SVEP1: variants seen among roughly 807,000 people sequenced by gnomAD.
The protein encoded by SVEP1 is sushi, von Willebrand factor type A, EGF and pentraxin domain-containing protein 1.
A neutral mutation model predicts 367.3 loss-of-function variants in SVEP1; 164 were observed. The ratio of observed to expected loss-of-function variants is 0.45; its 90% confidence interval spans 0.39 to 0.51. The LOEUF (loss-of-function observed/expected upper bound fraction) is 0.51. Among genes scored for constraint, SVEP1 ranks in the 20% least tolerant of loss-of-function variants. The pLI, the probability that SVEP1 is intolerant of heterozygous loss-of-function variation, is 0.00. For missense variants in SVEP1, 4,117 were observed against 4,425.3 expected (o/e 0.93, Z 1.98); for synonymous variants, 1,666 against 1,611.6 (o/e 1.03, Z -0.81).
Position 110,471,560 on chromosome 9 carries a change from A to G in SVEP1, c.2802T>C (p.Leu934=). The G allele has an allele frequency of 6.2e-7, 1 of 1,613,918 alleles. No homozygotes were observed. Among genetic ancestry groups the G allele is most frequent in the East Asian group, 2.2e-5 (1 of 44,882 alleles). The change falls in exon 16 of 48, where the codon CTT becomes CTC. Residue 934 remains leucine, a synonymous_variant. Coordinates refer to ENST00000374469, the MANE Select transcript of SVEP1 (RefSeq NM_153366.4). The part of the protein sequence containing the change: ...VPLPDERNDT[L]EWENQQRLLQ... ...GGAGTCGTTGCTGATTTTCCCATTC[A>G]AGGGTATCATTTCTTTCATCGGGTA... is the stretch of plus-strand genomic sequence containing the variant.
At chr9:110,389,308 T>C (rs887286852) in intron 41 of SVEP1, among the ~76,000 whole-genome samples, 2 of 152,170 alleles carry the variant, frequency 1.3e-5, no homozygotes, top group Non-Finnish European at 2.9e-5. Context: ...AGTAATCTTG[T>C]GTCCTATTGC....
At chr9:110,578,431 G>A (rs1207004499) in intron 1 of SVEP1, among the ~76,000 whole-genome samples, 2 of 151,664 alleles carry the variant, frequency 1.3e-5, no homozygotes, top group East Asian at 1.9e-4. Flanking sequence ...GCTATTATGT[G>A]TTAGATATTT....
At position 110,389,546 on chromosome 9, in the gene SVEP1, A is replaced by G; in HGVS notation, c.9864T>C (p.Ser3288=). ...ERVCQENRQW[S]GGVAICKETR... is the part of the protein sequence containing the mutation. Reference sequence around the variant, plus strand: ...CACCTTTGCATATTGCCACCCCTCCACTCCACTGTCTGTTCTCCTGGCAGA... The same window carrying G: ...CACCTTTGCATATTGCCACCCCTCCGCTCCACTGTCTGTTCTCCTGGCAGA... The change falls in exon 41 of 48, where the codon AGT becomes AGC. Residue 3288 remains serine, a synonymous_variant. Transcript: ENST00000374469. 1 of 1,613,156 alleles carries G rather than the reference A, an allele frequency of 6.2e-7. No homozygotes were observed. The highest frequency in any genetic ancestry group is 1.7e-5 in the Admixed American group (1 of 59,870).
At chr9:110,541,975 C>T (rs915934250) in intron 3 of SVEP1, among the ~76,000 whole-genome samples, 6 of 150,442 alleles carry the variant, frequency 4.0e-5, no homozygotes, top group Non-Finnish European at 5.9e-5. Flanking sequence ...CATATATATG[C>T]ATGTAGATAT....
intron 45 of SVEP1, among the ~76,000 whole-genome samples, chr9:110,376,642 T>C (rs891345183): frequency 5.9e-5 from 9 of 152,236 alleles, no homozygotes; most frequent in Non-Finnish European, 1.3e-4. Context: ...ACTGCTCCTG[T>C]TGAAATATGA....
In SVEP1 at chr9:110,406,365, T is replaced by C. The variant is rs993160597; in HGVS notation, c.9235A>G (p.Ser3079Gly). ...GTTATCACATTTTCCTTCCAAGAGC[T>C]GGTCTCACTGATGAACGCATTTGGT... Reference protein sequence around the residue: ...MIPNAFISETSSWKENVITYS... With the variant: ...MIPNAFISETGSWKENVITYS... Residue 3079 changes from serine to glycine, a missense_variant, in exon 38 of 48, where the codon AGC (serine) becomes GGC (glycine). By Grantham distance (56) the Ser-to-Gly change is moderately conservative. This residue lies in a region of SVEP1 where 1,765 missense variants were observed against 1,781.1 expected (regional missense o/e 0.99). Coordinates refer to ENST00000374469, the MANE Select transcript of SVEP1 (RefSeq NM_153366.4). 1.2e-5 allele frequency: 19 copies of C among 1,613,968 alleles called. No individual in the cohort carries two copies. Among genetic ancestry groups the C allele is most frequent in the Non-Finnish European group, 1.5e-5 (18 of 1,179,914 alleles).
intron 41 of SVEP1, among the ~76,000 whole-genome samples, chr9:110,387,940 AAAT>A (rs1827551955): frequency 6.9e-6 from 1 of 144,354 alleles, no homozygotes; most frequent in Non-Finnish European, 1.5e-5. Flanking sequence ...GTTTACATTT[AAAT>A]TATTTTTCAT....
chr9:110,517,924 TAAAGAAAGTC>T (rs1829826756), intron 3 of SVEP1, among the ~76,000 whole-genome samples: 1 of 152,010 alleles, frequency 6.6e-6, no homozygotes, highest in African/African-American at 2.4e-5. Flanking sequence ...AAACAAATAC[TAAAGAAAGTC>T]TAAGAAAGCA....
At chr9:110,550,158 T>G in intron 1 of SVEP1, 54 bp from the exon 2 acceptor site, 1 of 1,598,914 alleles carries the variant, frequency 6.3e-7, no homozygotes. Flanking sequence ...GCCTACTGTG[T>G]GCTTCTCTTC....
At chr9:110,415,843 C>T (rs1828112568) in intron 36 of SVEP1, among the ~76,000 whole-genome samples, 1 of 151,896 alleles carries the variant, frequency 6.6e-6, no homozygotes, top group Non-Finnish European at 1.5e-5. Flanking sequence ...TGAATGGATG[C>T]TATGGTTGAC....
chr9:110,474,745 A>G (rs1030179210), intron 14 of SVEP1, among the ~76,000 whole-genome samples: 6 of 152,200 alleles, frequency 3.9e-5, no homozygotes, highest in African/African-American at 1.4e-4. Flanking sequence ...AATGTTCACT[A>G]AAGTGCTGTA....
chr9:110,457,379 A>T, intron 20 of SVEP1, 27 bp from the exon 21 acceptor site: 3 of 1,539,102 alleles, frequency 1.9e-6, no homozygotes, highest in Non-Finnish European at 2.7e-6. Context: ...AAAATCAATC[A>T]GAGACAAAGC....
At chr9:110,436,326 C>G in intron 28 of SVEP1, 54 bp downstream of exon 28, 1 of 1,595,976 alleles carries the variant, frequency 6.3e-7, no homozygotes, top group Non-Finnish European at 8.6e-7. Context: ...CACATTTTTA[C>G]TAGGTTTGTA....
At chr9:110,453,983 T>C (rs1828739267) in intron 22 of SVEP1, among the ~76,000 whole-genome samples, 1 of 151,994 alleles carries the variant, frequency 6.6e-6, no homozygotes, top group African/African-American at 2.4e-5. Flanking sequence ...CTTTTTTTCA[T>C]GTTTGTTGGT....
At chr9:110,486,235 A>C (rs1829274731) in intron 9 of SVEP1, among the ~76,000 whole-genome samples, 1 of 152,262 alleles carries the variant, frequency 6.6e-6, no homozygotes, top group Admixed American at 6.5e-5. Context: ...GCCAAAAGAA[A>C]TGACAATTGA....
At chr9:110,377,805 T>C (rs1036417056) in intron 44 of SVEP1, among the ~76,000 whole-genome samples, 5 of 152,124 alleles carry the variant, frequency 3.3e-5, no homozygotes, top group African/African-American at 1.2e-4. Context: ...TGCTGGACAT[T>C]AGAACTCCAG....
chr9:110,367,640 T>C (rs981652773), intron 47 of SVEP1, among the ~76,000 whole-genome samples: 1 of 150,296 alleles, frequency 6.7e-6, no homozygotes, highest in African/African-American at 2.5e-5. Context: ...TTACCCTTTA[T>C]GTTGGTACAA....
intron 46 of SVEP1, 84 bp downstream of exon 46, chr9:110,375,282 TTC>T (rs1395604827): frequency 6.4e-6 from 8 of 1,244,140 alleles, no homozygotes; most frequent in Non-Finnish European, 8.9e-6. Context: ...TTGCCACCAC[TTC>T]TGAGTCTAAG....
chr9:110,479,502 T>A (rs940654822), intron 13 of SVEP1, 133 bp downstream of exon 13: 1 of 1,063,586 alleles, frequency 9.4e-7, no homozygotes, highest in Non-Finnish European at 1.3e-6. Flanking sequence ...CTATGAATAA[T>A]TTTAAATATT....
Sources: gnomAD v4.1 joint callset for allele counts (sites outside exome capture counted in the v4.1 genomes callset) on GRCh38, gnomAD v4.1.1 for gene constraint, gnomAD v4.1.1 regional missense constraint, MANE v1.5 for transcripts, NCBI Gene and HGNC (gene_info 2026-07-23, HGNC 2026-07-21) for gene names.